The following EPHA6 variants were observed in gnomAD, a reference collection of about 807,000 sequenced individuals.
The protein encoded by EPHA6 is EPH receptor A6, also known as ephrin type-A receptor 6.
Under a neutral mutation model 112.0 loss-of-function variants are expected in EPHA6, and 50 were observed. The observed-to-expected ratio is 0.45, with a 90% CI of 0.36 to 0.56. The LOEUF is 0.56. EPHA6 is among the 20% of genes least tolerant of loss of function. The pLI is 0.00. For missense variants in EPHA6, 1,280 were observed against 1,417.4 expected, an observed-to-expected ratio of 0.90 and a Z score of 1.56; for synonymous variants, 529 against 490.7, an observed-to-expected ratio of 1.08 and a Z score of -1.03.
chr3:97,576,613 T>C (rs190010119), intron 11 of EPHA6, among the ~76,000 whole-genome samples: 1 of 152,344 alleles, frequency 6.6e-6, no homozygotes, highest in East Asian at 1.9e-4. Flanking sequence ...GTTGTTTTTC[T>C]AAGTTCAAAC....
At chr3:97,328,050 TACAC>T (rs1191368089) in intron 5 of EPHA6, among the ~76,000 whole-genome samples, 27 of 69,374 alleles carry the variant, frequency 3.9e-4, no homozygotes, top group South Asian at 1.4e-3. Context: ...CACACATATA[TACAC>T]ATATATATAT....
chr3:97,603,759 C>A (rs2093660044), intron 12 of EPHA6, among the ~76,000 whole-genome samples: 1 of 151,952 alleles, frequency 6.6e-6, no homozygotes, highest in South Asian at 2.1e-4. Context: ...TAGGAAAATA[C>A]TCATATAAAT....
chr3:97,142,079 T>C (rs113691779), intron 3 of EPHA6, among the ~76,000 whole-genome samples: 1,988 of 152,076 alleles, frequency 0.013, 27 homozygotes, highest in African/African-American at 0.044. Flanking sequence ...TTACAAACGA[T>C]AGTAAGTCTT....
chr3:97,111,918 A>G (rs1181905016), intron 3 of EPHA6, among the ~76,000 whole-genome samples: 1 of 152,090 alleles, frequency 6.6e-6, no homozygotes, highest in Non-Finnish European at 1.5e-5. Flanking sequence ...TTAATGTGCA[A>G]TATTTTTACT....
chr3:97,654,544 G>A (rs1487175507), intron 14 of EPHA6, among the ~76,000 whole-genome samples: 1 of 151,824 alleles, frequency 6.6e-6, no homozygotes, highest in Admixed American at 6.6e-5. Context: ...TAGCTACCTT[G>A]AAAGACATGG....
chr3:97,489,229 A>G (rs2091773799), intron 10 of EPHA6, among the ~76,000 whole-genome samples: 1 of 152,264 alleles, frequency 6.6e-6, no homozygotes, highest in South Asian at 2.1e-4. Context: ...ACTTTGTGAT[A>G]TGAATATCTG....
At chr3:97,163,193 C>A (rs773904746) in intron 3 of EPHA6, among the ~76,000 whole-genome samples, 6 of 152,150 alleles carry the variant, frequency 3.9e-5, no homozygotes, top group Non-Finnish European at 7.3e-5. Context: ...ACTTAAATGA[C>A]AAATTCACTC....
Position 97,079,511 on chromosome 3 carries a change from C to T in EPHA6, c.1114+91518C>T, listed in dbSNP as rs2046648511. Among the ~76,000 whole-genome samples, 3 of 151,188 alleles carry T rather than the reference C, an allele frequency of 2.0e-5. No homozygotes were observed. The South Asian group carries it at 6.2e-4, about 31-fold the overall frequency. ...CAACTAATCAGTACTAGCCTTAATA[C>T]CTGGGTGATGAACTAATATGTACAA... On this transcript the variant is annotated intron_variant, in intron 3 of 17. Coordinates refer to ENST00000389672, the MANE Select transcript of EPHA6 (RefSeq NM_001080448.3).
chr3:97,084,118 A>G (rs543123193), intron 3 of EPHA6, among the ~76,000 whole-genome samples: 2 of 90,636 alleles, frequency 2.2e-5, no homozygotes, highest in Non-Finnish European at 4.6e-5. Flanking sequence ...ATATATATAT[A>G]TATATGGATA....
rs2107183766 is a variant in EPHA6, at chr3:96,814,926, G to C, written c.303G>C (p.Arg101=). 1 of 1,551,774 alleles carries C rather than the reference G, an allele frequency of 6.4e-7. No individual in the cohort carries two copies. Among genetic ancestry groups the C allele is most frequent in the Non-Finnish European group, 8.7e-7 (1 of 1,146,836 alleles). ...GAACCATGGGGGGCTGCGAAGTCCG[G>C]GAATTTCTTTTGCAATTTGGTTTCT... ...PRRTMGGCEV[R]EFLLQFGFFL... is the part of the protein sequence containing the mutation. The change falls in exon 1 of 18, where the codon CGG becomes CGC. Residue 101 remains arginine, a synonymous_variant. Transcript: ENST00000389672.
At chr3:97,139,323 C>T (rs1364172981) in intron 3 of EPHA6, among the ~76,000 whole-genome samples, 2 of 152,156 alleles carry the variant, frequency 1.3e-5, no homozygotes, top group African/African-American at 4.8e-5. Context: ...CTGCACATAC[C>T]ATTACAACTT....
intron 1 of EPHA6, among the ~76,000 whole-genome samples, chr3:96,824,140 A>G (rs958694192): frequency 1.3e-5 from 2 of 150,104 alleles, no homozygotes; most frequent in African/African-American, 5.0e-5. Context: ...GAACCTGTAT[A>G]ATATTGACTA....
intron 3 of EPHA6, among the ~76,000 whole-genome samples, chr3:97,023,122 A>T (rs1158997348): frequency 6.6e-6 from 1 of 152,140 alleles, no homozygotes; most frequent in Non-Finnish European, 1.5e-5. Context: ...TCTGTTGCCC[A>T]GGCTGGAGTG....
chr3:97,117,690 A>T (rs2047929911), intron 3 of EPHA6, among the ~76,000 whole-genome samples: 2 of 151,682 alleles, frequency 1.3e-5, no homozygotes, highest in African/African-American at 2.4e-5. Context: ...CTGTTTTAAT[A>T]CTAGTACCAT....
intron 3 of EPHA6, among the ~76,000 whole-genome samples, chr3:97,116,777 A>G (rs769896705): frequency 2.6e-5 from 4 of 151,680 alleles, no homozygotes; most frequent in South Asian, 2.1e-4. Flanking sequence ...GATATTGTGA[A>G]TAGTGCTGTG....
chr3:97,179,717 GTCTCTCTCTCTCTC>G lies in EPHA6; in HGVS notation c.1115-46516_1115-46503del, dbSNP rs71113852. ...TTTTACTTTCTGCCAAACCTACAGA[GTCTCTCTCTCTCTC>G]TCTCTCTCTCTCTCTCTCTCTCTCT... is the stretch of plus-strand genomic sequence containing the variant. On this transcript the variant is annotated intron_variant, in intron 3 of 17. Transcript: ENST00000389672. Among the ~76,000 whole-genome samples the G allele has an allele frequency of 2.2e-4, 26 of 119,170 alleles. 1 individual carries two copies. In the East Asian group the frequency reaches 2.7e-3, roughly 12 times the overall value. 78.2% of individuals were successfully genotyped at this position (119,170 alleles called of 152,430 possible). A position where few individuals can be genotyped will look rare whatever the true frequency, so the allele number is the denominator to read the frequency against.
intron 11 of EPHA6, among the ~76,000 whole-genome samples, chr3:97,575,848 AG>A (rs2093378772): frequency 6.6e-6 from 1 of 152,194 alleles, no homozygotes; most frequent in East Asian, 1.9e-4. Flanking sequence ...TAAAAAATAT[AG>A]GTAGACTTAT....
At chr3:97,639,568 G>A (rs747239868) in intron 14 of EPHA6, among the ~76,000 whole-genome samples, 2 of 152,052 alleles carry the variant, frequency 1.3e-5, no homozygotes, top group Admixed American at 6.5e-5. Flanking sequence ...TACACTCTTT[G>A]TGGCAGTAAG....
chr3:96,831,532 A>T (rs1286131733), intron 1 of EPHA6, among the ~76,000 whole-genome samples: 1 of 151,334 alleles, frequency 6.6e-6, no homozygotes, highest in Non-Finnish European at 1.5e-5. Context: ...TTTTTTTGCC[A>T]ATTGACACTT....
Sources: allele counts gnomAD v4.1 joint callset (sites outside exome capture counted in the v4.1 genomes callset), GRCh38; gene constraint gnomAD v4.1.1; transcripts MANE v1.5; gene names NCBI Gene and HGNC (gene_info 2026-07-23, HGNC 2026-07-21).